RYR2: variants seen among roughly 807,000 people sequenced by gnomAD.
RYR2 encodes the protein cardiac muscle ryanodine receptor-calcium release channel.
A neutral mutation model predicts 601.1 loss-of-function variants in RYR2; 227 were observed. The ratio of observed to expected loss-of-function variants is 0.38; its 90% CI spans 0.34 to 0.42. The LOEUF (loss-of-function observed/expected upper bound fraction) is 0.42. Ranked by LOEUF, RYR2 falls within the 10% of genes least tolerant of loss-of-function variation. The probability of loss-of-function intolerance (pLI) is 1.00; values close to 1 mark genes in which losing one functional copy is unlikely to be tolerated. For synonymous variants in RYR2, 2,223 were observed against 2,175.1 expected, an observed-to-expected ratio of 1.02 and a Z score of -0.61; for missense variants, 4,646 against 6,156.5, an observed-to-expected ratio of 0.75 and a Z score of 8.21.
intron 25 of RYR2, among the ~76,000 whole-genome samples, chr1:237,541,095 AT>A (rs1313953954): frequency 1.4e-4 from 21 of 152,158 alleles, no homozygotes; most frequent in African/African-American, 5.1e-4. Context: ...ATACAGTTGG[AT>A]TTTTCTGTAA....
intron 1 of RYR2, among the ~76,000 whole-genome samples, chr1:237,075,300 G>A (rs534272742): frequency 1.3e-5 from 2 of 151,824 alleles, no homozygotes; most frequent in Non-Finnish European, 2.9e-5. Context: ...GAACAGCTCC[G>A]GTCTACAGCT....
intron 8 of RYR2, 141 bp from the exon 9 acceptor site, chr1:237,387,140 G>A (rs894894001): frequency 3.5e-5 from 25 of 720,546 alleles, no homozygotes; most frequent in Non-Finnish European, 5.9e-5. Context: ...CTAGTTTTTT[G>A]ATTCTTGAAT....
intron 4 of RYR2, among the ~76,000 whole-genome samples, chr1:237,364,001 G>A (rs752769891): frequency 1.2e-4 from 18 of 152,126 alleles, no homozygotes; most frequent in East Asian, 7.7e-4. Flanking sequence ...TGCAAAAGAT[G>A]CAAGTTGGTT....
intron 10 of RYR2, among the ~76,000 whole-genome samples, chr1:237,415,728 A>T (rs1178885838): frequency 6.6e-6 from 1 of 152,166 alleles, no homozygotes; most frequent in Admixed American, 6.5e-5. Context: ...GAAACTTAAG[A>T]CCCCTAACTG....
chr1:237,631,684 A>AG (rs1365454271), intron 42 of RYR2, 143 bp downstream of exon 42: 15 of 414,644 alleles, frequency 3.6e-5, no homozygotes, highest in Admixed American at 7.6e-5. Flanking sequence ...GCTGGAGTGC[A>AG]GTGCACGATC....
intron 11 of RYR2, among the ~76,000 whole-genome samples, chr1:237,422,641 C>A (rs1048139193): frequency 1.3e-5 from 2 of 152,118 alleles, no homozygotes; most frequent in Non-Finnish European, 2.9e-5. Flanking sequence ...CATACTTAGA[C>A]GTTGACCACA....
At chr1:237,638,871 C>G (rs1279940805) in intron 45 of RYR2, 144 bp from the exon 46 acceptor site, 1 of 982,456 alleles carries the variant, frequency 1.0e-6, no homozygotes, top group Non-Finnish European at 1.5e-6. Context: ...TTAATGCTAG[C>G]AATTAGGATT....
chr1:237,205,036 G>A (rs547755027), intron 1 of RYR2, among the ~76,000 whole-genome samples: 18 of 152,312 alleles, frequency 1.2e-4, no homozygotes, highest in South Asian at 6.2e-4. Flanking sequence ...TGCTTTGACC[G>A]GCTAGCTGTG....
At chr1:237,756,695 G>C (rs1388870602) in intron 81 of RYR2, among the ~76,000 whole-genome samples, 1 of 152,062 alleles carries the variant, frequency 6.6e-6, no homozygotes, top group Admixed American at 6.5e-5. Context: ...TTTCTTTAAG[G>C]CTGGAGAGTC....
chr1:237,209,206 T>C (rs1682276888), intron 1 of RYR2, among the ~76,000 whole-genome samples: 1 of 150,672 alleles, frequency 6.6e-6, no homozygotes, highest in Admixed American at 6.6e-5. Flanking sequence ...TTAGAAAGAG[T>C]TTATGCATAT....
At chr1:237,690,711 A>T (rs1686868033) in intron 63 of RYR2, among the ~76,000 whole-genome samples, 1 of 152,106 alleles carries the variant, frequency 6.6e-6, no homozygotes, top group Non-Finnish European at 1.5e-5. Context: ...AGAATACAAA[A>T]AATTAGCCAT....
At chr1:237,183,541 A>T (rs1679015747) in intron 1 of RYR2, among the ~76,000 whole-genome samples, 1 of 152,230 alleles carries the variant, frequency 6.6e-6, no homozygotes, top group Non-Finnish European at 1.5e-5. Flanking sequence ...CTAATGAAGG[A>T]AAGAGTATTG....
intron 1 of RYR2, among the ~76,000 whole-genome samples, chr1:237,159,220 G>T (rs1675732421): frequency 6.6e-6 from 1 of 151,932 alleles, no homozygotes; most frequent in Non-Finnish European, 1.5e-5. Context: ...GAACCCAGGA[G>T]GCAGAGGTTC....
chr1:237,574,690 C>T (rs1673047751), intron 29 of RYR2, among the ~76,000 whole-genome samples: 1 of 152,086 alleles, frequency 6.6e-6, no homozygotes, highest in Non-Finnish European at 1.5e-5. Flanking sequence ...CAGGCTGCTT[C>T]TGAGAACTGA....
chr1:237,573,601 A>G (rs1672929589), intron 29 of RYR2, among the ~76,000 whole-genome samples: 1 of 150,090 alleles, frequency 6.7e-6, no homozygotes, highest in African/African-American at 2.4e-5. Context: ...TCACAAGATC[A>G]GGAGATCAAG....
chr1:237,735,318 A>G (rs1691043630), intron 79 of RYR2, among the ~76,000 whole-genome samples: 1 of 152,216 alleles, frequency 6.6e-6, no homozygotes, highest in African/African-American at 2.4e-5. Flanking sequence ...GAGAGGGAAC[A>G]GAAAGATATA....
chr1:237,484,236 C>T (rs917757324), intron 17 of RYR2, among the ~76,000 whole-genome samples: 1 of 152,228 alleles, frequency 6.6e-6, no homozygotes, highest in Non-Finnish European at 1.5e-5. Context: ...CAGAATCACA[C>T]TCCTGTATCC....
intron 1 of RYR2, among the ~76,000 whole-genome samples, chr1:237,112,078 C>T (rs1669541733): frequency 6.6e-6 from 1 of 152,042 alleles, no homozygotes; most frequent in Non-Finnish European, 1.5e-5. Context: ...GGTAAGTTCC[C>T]CCTCCATCAC....
intron 1 of RYR2, among the ~76,000 whole-genome samples, chr1:237,071,674 T>A (rs539996508): frequency 1.3e-5 from 2 of 152,302 alleles, no homozygotes; most frequent in South Asian, 4.1e-4. Context: ...AGGCTTCAGG[T>A]CGTGCCTGGC....
Sources: allele counts gnomAD v4.1 joint callset (sites outside exome capture counted in the v4.1 genomes callset), GRCh38; gene constraint gnomAD v4.1.1; transcripts MANE v1.5; gene names NCBI Gene and HGNC (gene_info 2026-07-23, HGNC 2026-07-21).